The following RPP14 variants were observed in gnomAD, a reference collection of about 807,000 sequenced individuals.
RPP14 encodes ribonuclease P protein subunit p14.
RPP14 carries 19 observed loss-of-function variants against 17.8 expected under a neutral mutation model. The observed-to-expected ratio is 1.07, with a 90% confidence interval of 0.74 to 1.57. The LOEUF is 1.57. Ranked by LOEUF, RPP14 falls within the 40% of genes most tolerant of loss-of-function variation. The pLI is 0.00. For missense variants in RPP14, 125 were observed against 140.8 expected (o/e 0.89, Z 0.57); for synonymous variants, 60 against 56.4 (o/e 1.06, Z -0.29).
rs1011025607 is a variant in RPP14 at position 58,319,021 on chromosome 3, A to G, written c.*1525A>G. 6.6e-6 allele frequency: 1 copy of G among 152,174 alleles called. No individual in the cohort carries two copies. The highest frequency in any genetic ancestry group is 2.4e-5 in the African/African-American group (1 of 41,450). 9.4% of individuals were successfully genotyped at this position (152,174 alleles called of 1,614,324 possible). On this transcript the variant is annotated 3_prime_UTR_variant, in exon 6 of 6. Transcript: ENST00000295959. ...AAAAAAAAAAAGATTCTACTTTTAG[A>G]AATTCAGACCTAGATAGATTTGCAT...
intron 3 of RPP14, among the ~76,000 whole-genome samples, chr3:58,311,236 C>T (rs1308609892): frequency 6.6e-6 from 1 of 152,136 alleles, no homozygotes; most frequent in Non-Finnish European, 1.5e-5. Context: ...CTCACTGCAG[C>T]CTCTGCCTCC....
In RPP14 at chr3:58,319,353, G is replaced by A. The variant is rs2097492033; in HGVS notation, c.*1857G>A. The A allele has an allele frequency of 6.6e-6, 1 of 152,190 alleles. No homozygotes were observed. Among genetic ancestry groups the A allele is most frequent in the Admixed American group, 6.5e-5 (1 of 15,272 alleles). 9.4% of individuals were successfully genotyped at this position (152,190 alleles called of 1,614,324 possible). On this transcript the variant is annotated 3_prime_UTR_variant, in exon 6 of 6. Transcript: ENST00000295959. ...GTAAAATAGTGGTAGCACATGCCAT[G>A]TGGGATAGTTGGTGGAGATGATAGA... is the stretch of plus-strand genomic sequence containing the variant.
rs2097490504 is a variant in RPP14 at position 58,318,290 on chromosome 3, A to ATGCTTCATGCAGACT, written c.*797_*811dup. ...AATGCCCACTTTCCAGTTTGGCCTT[A>ATGCTTCATGCAGACT]TGCTTCATGCAGACTTGAGTGTATG... On this transcript the variant is annotated 3_prime_UTR_variant, in exon 6 of 6. Transcript: ENST00000295959. The ATGCTTCATGCAGACT allele has an allele frequency of 1.8e-6, 1 of 542,588 alleles. No individual in the cohort carries two copies. Among genetic ancestry groups the ATGCTTCATGCAGACT allele is most frequent in the African/African-American group, 1.9e-5 (1 of 52,548 alleles). The allele number at this position is 542,588 out of a possible 1,614,324, so 33.6% of individuals were successfully genotyped here. A position where few individuals can be genotyped will look rare whatever the true frequency, so the allele number is the denominator to read the frequency against.
chr3:58,308,930 G>A (rs1216046307), intron 1 of RPP14, among the ~76,000 whole-genome samples: 1 of 152,216 alleles, frequency 6.6e-6, no homozygotes, highest in Non-Finnish European at 1.5e-5. Flanking sequence ...TTGGCATGGA[G>A]CCAAGGAAAG....
intron 3 of RPP14, among the ~76,000 whole-genome samples, chr3:58,312,556 T>C (rs1370150770): frequency 6.6e-6 from 1 of 152,126 alleles, no homozygotes; most frequent in East Asian, 1.9e-4. Context: ...GTTAGACAAA[T>C]GATTGTTGTA....
intron 3 of RPP14, among the ~76,000 whole-genome samples, chr3:58,314,070 A>G (rs4681676): frequency 0.77 from 117,492 of 152,174 alleles, 45,984 homozygotes; most frequent in East Asian, 1. Context: ...ATAATAACAC[A>G]TGGGGCGTGG....
intron 3 of RPP14, among the ~76,000 whole-genome samples, chr3:58,312,070 G>T (rs183510687): frequency 8.6e-4 from 130 of 151,484 alleles, no homozygotes; most frequent in African/African-American, 3.1e-3. Flanking sequence ...TCACTATGTT[G>T]CCCAGGCTCC....
intron 3 of RPP14, among the ~76,000 whole-genome samples, chr3:58,315,310 C>T (rs2097487106): frequency 6.7e-6 from 1 of 149,848 alleles, no homozygotes; most frequent in South Asian, 2.1e-4. Context: ...TGGGTGTTTC[C>T]ATTTATAGAA....
chr3:58,317,475 T>G lies in RPP14; in HGVS notation c.354T>G (p.Ser118Arg), dbSNP rs1307001574. ...SPFLLALSGN[S>R]RELVLD ...TTCTTCTTGCATTATCTGGTAATAG[T>G]AGGGAACTAGTATTGGATTGAATGA... Residue 118 changes from serine to arginine, a missense_variant, in exon 6 of 6, where the codon AGT (serine) becomes AGG (arginine). Ser to Arg is a moderately radical substitution (Grantham distance 110). Coordinates refer to ENST00000295959, the MANE Select transcript of RPP14 (RefSeq NM_007042.6). The G allele has an allele frequency of 6.3e-7, 1 of 1,597,454 alleles. No individual in the cohort carries two copies. Among genetic ancestry groups the G allele is most frequent in the South Asian group, 1.1e-5 (1 of 90,604 alleles).
At chr3:58,311,412 C>T (rs557061761) in intron 3 of RPP14, among the ~76,000 whole-genome samples, 34 of 152,304 alleles carry the variant, frequency 2.2e-4, no homozygotes, top group Non-Finnish European at 2.5e-4. Context: ...GCCTTGGGCT[C>T]CCAAAGTGCT....
Position 58,309,870 on chromosome 3 carries a change from C to A in RPP14, c.-21-439C>A, listed in dbSNP as rs188908638. Among the ~76,000 whole-genome samples, 178 of 151,466 alleles carry A rather than the reference C, an allele frequency of 1.2e-3. 1 individual carries two copies. The highest frequency in any genetic ancestry group is 9.2e-3 in the Admixed American group (139 of 15,182). On this transcript the variant is annotated intron_variant, in intron 1 of 5. Transcript: ENST00000295959. Reference sequence around the variant, plus strand: ...TTGTGCCACTGCACTCCAGCCTGGGCGACAGAGCAAGACTCCTTCTCCAAA... The same window carrying A: ...TTGTGCCACTGCACTCCAGCCTGGGAGACAGAGCAAGACTCCTTCTCCAAA...
At chr3:58,311,623 AC>A (rs1407704038) in intron 3 of RPP14, among the ~76,000 whole-genome samples, 3 of 147,148 alleles carry the variant, frequency 2.0e-5, no homozygotes, top group African/African-American at 7.5e-5. Context: ...AATATATACC[AC>A]TTTTTTTTTT....
Position 58,318,661 on chromosome 3 carries a change from C to A in RPP14, c.*1165C>A, listed in dbSNP as rs993677482. 6.6e-6 allele frequency: 1 copy of A among 151,800 alleles called. No homozygotes were observed. The highest frequency in any genetic ancestry group is 1.5e-5 in the Non-Finnish European group (1 of 68,102). The allele number at this position is 151,800 out of a possible 1,614,324, so 9.4% of individuals were successfully genotyped here. On this transcript the variant is annotated 3_prime_UTR_variant, in exon 6 of 6. Coordinates refer to ENST00000295959, the MANE Select transcript of RPP14 (RefSeq NM_007042.6). ...CTGCACTGTAGCCTGAGTGACAGAG[C>A]GAGACCCTGTCTCAAGAAAGAAGTA...
At chr3:58,313,189 G>C (rs897947209) in intron 3 of RPP14, among the ~76,000 whole-genome samples, 2 of 151,834 alleles carry the variant, frequency 1.3e-5, no homozygotes, top group Non-Finnish European at 2.9e-5. Context: ...AACCCGGGAG[G>C]TGGAGCTTGC....
intron 1 of RPP14, among the ~76,000 whole-genome samples, chr3:58,309,511 A>G (rs529495233): frequency 2.2e-4 from 33 of 152,374 alleles, no homozygotes; most frequent in Admixed American, 1.4e-3. Context: ...TTTGACATTT[A>G]TAGAATATAG....
chr3:58,313,145 G>A (rs1003599477), intron 3 of RPP14, among the ~76,000 whole-genome samples: 4 of 151,600 alleles, frequency 2.6e-5, no homozygotes, highest in African/African-American at 9.7e-5. Context: ...TGTAGTCCCA[G>A]CTACTCGGGA....
At chr3:58,309,921 C>T (rs1166490682) in intron 1 of RPP14, 1 of 169,900 alleles carries the variant, frequency 5.9e-6, no homozygotes. Flanking sequence ...ACAGGAAGGC[C>T]GGGCCTGGTG....
rs781479831 is a variant in RPP14 at position 58,310,519 on chromosome 3, T to C, written c.90T>C (p.Asp30=). Residue 30 remains aspartate, a synonymous_variant, in exon 3 of 6, where the codon GAT becomes GAC. Coordinates refer to ENST00000295959, the MANE Select transcript of RPP14 (RefSeq NM_007042.6). The part of the protein sequence containing the change: ...HYMKVCLEFQ[D]CGVGLNAAQF... ...TCACTTTTTTTAGAGAATTTCAAGATTGTGGAGTTGGACTGAATGCTGCAC... is the reference window on the plus strand; with the variant it reads ...TCACTTTTTTTAGAGAATTTCAAGACTGTGGAGTTGGACTGAATGCTGCAC... The C allele has an allele frequency of 1.9e-6, 3 of 1,610,502 alleles. No individual in the cohort carries two copies. Among genetic ancestry groups the C allele is most frequent in the Admixed American group, 1.7e-5 (1 of 59,176 alleles).
intron 1 of RPP14, among the ~76,000 whole-genome samples, chr3:58,309,052 T>C (rs977104279): frequency 6.6e-6 from 1 of 152,194 alleles, no homozygotes; most frequent in Non-Finnish European, 1.5e-5. Context: ...CTGTGCTGTT[T>C]AAGCTCAGTT....
Sources: gnomAD v4.1 joint callset for allele counts (sites outside exome capture counted in the v4.1 genomes callset) on GRCh38, gnomAD v4.1.1 for gene constraint, MANE v1.5 for transcripts, NCBI Gene and HGNC (gene_info 2026-07-23, HGNC 2026-07-21) for gene names.